Variants in KIAA1328 observed in about 807,000 individuals in gnomAD.
KIAA1328 encodes the protein KIAA1328, also known as protein hinderin.
KIAA1328 carries 52 observed loss-of-function variants against 68.1 expected under a neutral mutation model. The ratio of observed to expected loss-of-function variants is 0.76; its 90% CI spans 0.61 to 0.96. The LOEUF is 0.96. Among genes scored for constraint, KIAA1328 ranks in the 40% least tolerant of loss-of-function variants. The probability of loss-of-function intolerance (pLI) is 0.00; values close to 1 mark genes in which losing one functional copy is unlikely to be tolerated. For missense variants in KIAA1328, 641 were observed against 677.6 expected (o/e 0.95, Z 0.60); for synonymous variants, 232 against 239.4 (o/e 0.97, Z 0.28).
chr18:36,848,720 A>C (rs1037467981), intron 4 of KIAA1328, among the ~76,000 whole-genome samples: 1 of 151,132 alleles, frequency 6.6e-6, no homozygotes, highest in Admixed American at 6.6e-5. Context: ...CAAATTGAGA[A>C]AATTTATTTT....
At chr18:37,225,775 G>T (rs1024732516), downstream of KIAA1328, among the ~76,000 whole-genome samples, 1 of 152,164 alleles carries the variant, frequency 6.6e-6, no homozygotes, top group Non-Finnish European at 1.5e-5. Flanking sequence ...TCACACCTGT[G>T]GATTCAACTC....
intron 4 of KIAA1328, among the ~76,000 whole-genome samples, chr18:36,875,651 C>T (rs1403824588): frequency 6.6e-6 from 1 of 152,164 alleles, no homozygotes; most frequent in African/African-American, 2.4e-5. Flanking sequence ...TCTTCGAATA[C>T]CATTTATTTC....
At chr18:37,179,152 GTC>G in intron 9 of KIAA1328, among the ~76,000 whole-genome samples, 1 of 152,268 alleles carries the variant, frequency 6.6e-6, no homozygotes, top group African/African-American at 2.4e-5. Context: ...CCTGACCAAT[GTC>G]ATGGAGCTTT....
At chr18:37,178,693 C>G (rs1354644927) in intron 9 of KIAA1328, among the ~76,000 whole-genome samples, 2 of 152,116 alleles carry the variant, frequency 1.3e-5, no homozygotes, top group African/African-American at 4.8e-5. Context: ...AATTTACATT[C>G]CGACCCAATA....
At chr18:36,880,186 T>C (rs879039297) in intron 4 of KIAA1328, among the ~76,000 whole-genome samples, 2 of 152,168 alleles carry the variant, frequency 1.3e-5, no homozygotes, top group Admixed American at 1.3e-4. Flanking sequence ...TCCTGATCTG[T>C]GGGTTGTGAA....
chr18:36,882,459 A>G (rs529712925), intron 4 of KIAA1328, among the ~76,000 whole-genome samples: 3 of 152,252 alleles, frequency 2.0e-5, no homozygotes, highest in South Asian at 4.1e-4. Context: ...TAAAATCTAT[A>G]TTAATATACT....
intron 4 of KIAA1328, among the ~76,000 whole-genome samples, chr18:36,856,381 A>C (rs1188409235): frequency 6.6e-6 from 1 of 151,916 alleles, no homozygotes; most frequent in Admixed American, 6.6e-5. Flanking sequence ...TCTGCTCCTT[A>C]GATTGAATAA....
chr18:37,051,897 C>A (rs539761295), intron 6 of KIAA1328, among the ~76,000 whole-genome samples: 2 of 152,160 alleles, frequency 1.3e-5, no homozygotes, highest in East Asian at 3.9e-4. Flanking sequence ...CAAAAATTAG[C>A]CAGGCGTGGT....
At chr18:36,993,942 C>A (rs913212231) in intron 6 of KIAA1328, among the ~76,000 whole-genome samples, 1 of 146,716 alleles carries the variant, frequency 6.8e-6, no homozygotes, top group Admixed American at 6.9e-5. Context: ...TCATTTGTTA[C>A]TTTTCAAATA....
chr18:37,084,391 G>A, intron 7 of KIAA1328: 1 of 351,462 alleles, frequency 2.8e-6, no homozygotes, highest in Non-Finnish European at 5.0e-6. Flanking sequence ...AGAAAAATAT[G>A]AAAAACAAAA....
At chr18:37,203,573 T>G (rs2060155202) in intron 9 of KIAA1328, among the ~76,000 whole-genome samples, 2 of 152,216 alleles carry the variant, frequency 1.3e-5, no homozygotes, top group African/African-American at 4.8e-5. Context: ...TAATTTTCAG[T>G]GAAAAGCCTA....
At chr18:37,115,405 G>A (rs938905021) in intron 7 of KIAA1328, among the ~76,000 whole-genome samples, 3 of 152,024 alleles carry the variant, frequency 2.0e-5, no homozygotes, top group Non-Finnish European at 2.9e-5. Context: ...CAGAACCAAA[G>A]ACAAAAACCA....
intron 5 of KIAA1328, among the ~76,000 whole-genome samples, chr18:36,942,871 G>C (rs935183986): frequency 6.6e-6 from 1 of 152,112 alleles, no homozygotes; most frequent in Non-Finnish European, 1.5e-5. Context: ...TGACTTGATC[G>C]ACACATATGT....
intron 5 of KIAA1328, among the ~76,000 whole-genome samples, chr18:36,926,153 T>C (rs2050108665): frequency 6.6e-6 from 1 of 152,120 alleles, no homozygotes; most frequent in Admixed American, 6.6e-5. Context: ...TGGGTGCTAA[T>C]TGATTGGAGG....
intron 6 of KIAA1328, among the ~76,000 whole-genome samples, chr18:37,021,825 T>G (rs2054358122): frequency 6.6e-6 from 1 of 151,828 alleles, no homozygotes; most frequent in Non-Finnish European, 1.5e-5. Context: ...GATCACGAGG[T>G]CAGGAGATCA....
intron 6 of KIAA1328, among the ~76,000 whole-genome samples, chr18:37,045,006 G>T (rs893541961): frequency 1.3e-5 from 2 of 152,108 alleles, no homozygotes; most frequent in Non-Finnish European, 2.9e-5. Context: ...AGTAGTGGAA[G>T]TTGGGTTTTC....
intron 7 of KIAA1328, among the ~76,000 whole-genome samples, chr18:37,136,149 A>G (rs76298119): frequency 0.061 from 9,296 of 152,276 alleles, 392 homozygotes; most frequent in Non-Finnish European, 0.096. Context: ...TGAGATAGAC[A>G]CGTAGGCTGG....
intron 6 of KIAA1328, among the ~76,000 whole-genome samples, chr18:36,978,651 A>G (rs149519342): frequency 6.6e-6 from 1 of 152,298 alleles, no homozygotes; most frequent in East Asian, 1.9e-4. Context: ...TAATAGAAAT[A>G]TAGTATACTG....
At chr18:37,049,583 C>G (rs1431339731) in intron 6 of KIAA1328, among the ~76,000 whole-genome samples, 1 of 152,164 alleles carries the variant, frequency 6.6e-6, no homozygotes, top group Non-Finnish European at 1.5e-5. Context: ...CCTCCAAGGA[C>G]AGCCATCTTA....
Sources: allele counts gnomAD v4.1 joint callset (sites outside exome capture counted in the v4.1 genomes callset), GRCh38; gene constraint gnomAD v4.1.1; transcripts MANE v1.5; gene names NCBI Gene and HGNC (gene_info 2026-07-23, HGNC 2026-07-21).